Variants in EML1 observed in about 807,000 individuals in gnomAD.
EML1 encodes the protein echinoderm microtubule-associated protein-like 1.
In EML1, 27 loss-of-function variants were observed where a neutral mutation model predicts 110.4. The ratio of observed to expected loss-of-function variants is 0.24; its 90% CI spans 0.18 to 0.34. EML1 has a LOEUF of 0.34. Among genes scored for constraint, EML1 ranks in the 10% least tolerant of loss-of-function variants. The probability of loss-of-function intolerance (pLI) is 1.00; values close to 1 mark genes in which losing one functional copy is unlikely to be tolerated. For synonymous variants in EML1, 344 were observed against 385.8 expected, an observed-to-expected ratio of 0.89 and a Z score of 1.27; for missense variants, 741 against 1,030.9, an observed-to-expected ratio of 0.72 and a Z score of 3.85.
chr14:99,832,592 T>A (rs2058477340), intron 1 of EML1, among the ~76,000 whole-genome samples: 1 of 152,232 alleles, frequency 6.6e-6, no homozygotes, highest in Non-Finnish European at 1.5e-5. Context: ...CATTTCGGTT[T>A]TAATTTGCAT....
chr14:99,920,905 AT>A, intron 17 of EML1, 28 bp downstream of exon 17: 1 of 1,568,118 alleles, frequency 6.4e-7, no homozygotes, highest in Non-Finnish European at 8.7e-7. Flanking sequence ...TCACTACTTT[AT>A]TTTTTTAATC....
chr14:99,905,408 G>A lies in EML1; in HGVS notation c.1009-2230G>A, dbSNP rs2059828564. 6.6e-6 allele frequency among the ~76,000 whole-genome samples: 1 copy of A among 152,118 alleles called. No individual in the cohort carries two copies. The highest frequency in any genetic ancestry group is 1.5e-5 in the Non-Finnish European group (1 of 68,014). On this transcript the variant is annotated intron_variant, in intron 9 of 21. Coordinates refer to ENST00000262233, the MANE Select transcript of EML1 (RefSeq NM_004434.3). This position sits in a 1 kb window ranked among gnomAD's most constrained non-coding sequence, Gnocchi z 4.1. ...TGGCCCTGAGTAATAGAAAACATAA[G>A]AAAGGGAAAAAGGAGAGAGAGAAAA...
intron 1 of EML1, among the ~76,000 whole-genome samples, chr14:99,757,595 C>G (rs2057271592): frequency 6.6e-6 from 1 of 152,082 alleles, no homozygotes; most frequent in Non-Finnish European, 1.5e-5. Flanking sequence ...GTTTAATAAG[C>G]AAAAGCAAAG....
At chr14:99,860,069 G>A (rs554433616) in intron 2 of EML1, among the ~76,000 whole-genome samples, 1 of 152,108 alleles carries the variant, frequency 6.6e-6, no homozygotes, top group African/African-American at 2.4e-5. Context: ...CTGAGGATGA[G>A]TCCAGTCCTG....
At chr14:99,747,849 G>T (rs2140168564) in intron 1 of EML1, among the ~76,000 whole-genome samples, 1 of 152,304 alleles carries the variant, frequency 6.6e-6, no homozygotes, top group African/African-American at 2.4e-5. Flanking sequence ...CACGGGAAGG[G>T]GCCTCATCTC....
At chr14:99,816,832 C>G (rs183042136) in intron 1 of EML1, among the ~76,000 whole-genome samples, 1 of 152,180 alleles carries the variant, frequency 6.6e-6, no homozygotes, top group South Asian at 2.1e-4. Flanking sequence ...CACTTTGGCA[C>G]GTAGGTTAGC....
At chr14:99,808,704 A>T (rs1415613229) in intron 1 of EML1, among the ~76,000 whole-genome samples, 1 of 152,240 alleles carries the variant, frequency 6.6e-6, no homozygotes, top group Non-Finnish European at 1.5e-5. Flanking sequence ...CAGTTTACAC[A>T]AAACCACGTA....
chr14:99,778,993 G>T (rs2057512009), intron 1 of EML1, among the ~76,000 whole-genome samples: 1 of 152,158 alleles, frequency 6.6e-6, no homozygotes. Flanking sequence ...AACATTTGGT[G>T]GTGGTGTTTT....
chr14:99,793,566 C>T, intron 1 of EML1, 23 bp downstream of exon 1: 1 of 1,006,500 alleles, frequency 9.9e-7, no homozygotes, highest in Non-Finnish European at 1.2e-6. Context: ...CGCGCGGGGC[C>T]GGGGCGGCGA....
chr14:99,739,113 AGAGAGAGTGTGTGTGTGT>A (rs1387712328), intron 1 of EML1, among the ~76,000 whole-genome samples: 2 of 87,476 alleles, frequency 2.3e-5, no homozygotes, highest in Non-Finnish European at 4.9e-5. Context: ...ACAGAGAGAG[AGAGAGAGTGTGTGTGTGT>A]GTGTGTGTGT....
chr14:99,931,895 G>A (rs1278222132), intron 17 of EML1, among the ~76,000 whole-genome samples: 2 of 152,186 alleles, frequency 1.3e-5, no homozygotes, highest in Admixed American at 6.5e-5. Flanking sequence ...CAGTCGTCGC[G>A]GTCAACGGGA....
intron 1 of EML1, among the ~76,000 whole-genome samples, chr14:99,751,266 G>T (rs1272764429): frequency 3.3e-5 from 5 of 151,988 alleles, no homozygotes; most frequent in Non-Finnish European, 7.4e-5. Context: ...CCACAGGGGG[G>T]TGGGCAGGGC....
At chr14:99,897,326 CAG>C in intron 7 of EML1, 32 bp downstream of exon 7, 1 of 1,558,314 alleles carries the variant, frequency 6.4e-7, no homozygotes, top group East Asian at 2.4e-5. Flanking sequence ...TCCTGCGACT[CAG>C]AAGGCGAAGG....
intron 2 of EML1, among the ~76,000 whole-genome samples, chr14:99,851,339 G>A (rs939039205): frequency 7.3e-5 from 11 of 151,502 alleles, no homozygotes; most frequent in African/African-American, 2.4e-4. Flanking sequence ...ACAGAGTCTC[G>A]CTCTGTCGCC....
At chr14:99,856,110 A>G (rs1353987166) in intron 2 of EML1, among the ~76,000 whole-genome samples, 1 of 152,160 alleles carries the variant, frequency 6.6e-6, no homozygotes, top group Non-Finnish European at 1.5e-5. Context: ...CATTGTGCCC[A>G]TTTTATAGAT....
chr14:99,915,354 G>A (rs2060015910), intron 15 of EML1: 1 of 147,920 alleles, frequency 6.8e-6, no homozygotes, highest in Non-Finnish European at 1.5e-5. Flanking sequence ...GGAGGTTGCA[G>A]TGAGCCAAGA....
chr14:99,928,003 TGGA>T (rs2060282177), intron 17 of EML1, among the ~76,000 whole-genome samples: 2 of 141,392 alleles, frequency 1.4e-5, no homozygotes, highest in Non-Finnish European at 3.1e-5. Flanking sequence ...GTGGTGGTGG[TGGA>T]GGTGGTGGTG....
At chr14:99,867,213 C>G (rs1385081281) in intron 3 of EML1, among the ~76,000 whole-genome samples, 1 of 152,162 alleles carries the variant, frequency 6.6e-6, no homozygotes, top group Non-Finnish European at 1.5e-5. Flanking sequence ...AATACCCTAC[C>G]ATCTTGATTA....
chr14:99,850,273 C>G lies in EML1; in HGVS notation c.68-580C>G, dbSNP rs765895044. 3.1e-6 allele frequency: 4 copies of G among 1,287,238 alleles called. No homozygotes were observed. The East Asian group carries it at 1.7e-4, about 54-fold the overall frequency. 79.7% of individuals were successfully genotyped at this position (1,287,238 alleles called of 1,614,324 possible). On this transcript the variant is annotated intron_variant, in intron 1 of 21. Coordinates refer to ENST00000262233, the MANE Select transcript of EML1 (RefSeq NM_004434.3). ...ATGATGTACAATGAGATTGGAGAGG[C>G]GAAGAAGATCACGGAGAGGTTTATA...
Sources: gnomAD v4.1 joint callset for allele counts (sites outside exome capture counted in the v4.1 genomes callset) on GRCh38, gnomAD v4.1.1 for gene constraint, Gnocchi (gnomAD v3.1) non-coding constraint, MANE v1.5 for transcripts, NCBI Gene and HGNC (gene_info 2026-07-23, HGNC 2026-07-21) for gene names.